TJP1: variants seen among roughly 807,000 people sequenced by gnomAD.
The protein encoded by TJP1 is tight junction protein 1, also known as tight junction protein ZO-1.
Under a neutral mutation model 194.2 loss-of-function variants are expected in TJP1, and 43 were observed. That is an observed-to-expected ratio of 0.22 (90% CI 0.17 to 0.29). TJP1 has a LOEUF of 0.29. Among genes scored for constraint, TJP1 ranks in the 10% least tolerant of loss-of-function variants. The probability of loss-of-function intolerance (pLI) is 1.00; values close to 1 mark genes in which losing one functional copy is unlikely to be tolerated. For missense variants in TJP1, 1,971 were observed against 2,185.7 expected (o/e 0.90, Z 1.96); for synonymous variants, 801 against 779.0 (o/e 1.03, Z -0.47).
chr15:29,826,424 C>A (rs184488879), upstream of TJP1, among the ~76,000 whole-genome samples: 4 of 138,744 alleles, frequency 2.9e-5, no homozygotes, highest in Admixed American at 7.2e-5. Context: ...CTTCTCCACT[C>A]TGATCTACAC....
At chr15:29,897,450 T>C (rs1314565281) in intron 2 of TJP1, among the ~76,000 whole-genome samples, 1 of 152,210 alleles carries the variant, frequency 6.6e-6, no homozygotes, top group East Asian at 1.9e-4. Flanking sequence ...GAACCTGTGC[T>C]AGGGCAGTGT....
At chr15:29,829,249 A>G (rs941715416) in intron 2 of TJP1, among the ~76,000 whole-genome samples, 1 of 152,238 alleles carries the variant, frequency 6.6e-6, no homozygotes, top group Non-Finnish European at 1.5e-5. Context: ...CAGTATAATT[A>G]AATTGCATCA....
intron 2 of TJP1, among the ~76,000 whole-genome samples, chr15:29,792,556 A>G (rs953766736): frequency 6.6e-6 from 1 of 152,126 alleles, no homozygotes; most frequent in Non-Finnish European, 1.5e-5. Flanking sequence ...TTTGCCCAGG[A>G]TTGCTTTGCC....
chr15:29,863,377 A>G (rs530887275), intron 2 of TJP1, among the ~76,000 whole-genome samples: 1 of 152,272 alleles, frequency 6.6e-6, no homozygotes, highest in South Asian at 2.1e-4. Flanking sequence ...GGAAGGGTTT[A>G]GGTGATTCTT....
At chr15:29,908,648 G>C (rs1159734815) in intron 2 of TJP1, among the ~76,000 whole-genome samples, 1 of 151,392 alleles carries the variant, frequency 6.6e-6, no homozygotes, top group Non-Finnish European at 1.5e-5. Context: ...GCCAGTTATG[G>C]CAATTCCAAT....
intron 2 of TJP1, among the ~76,000 whole-genome samples, chr15:29,908,511 T>A (rs1379683716): frequency 1.3e-5 from 2 of 152,218 alleles, no homozygotes; most frequent in Admixed American, 1.3e-4. Flanking sequence ...TAGCCACCAC[T>A]GATGTCCACC....
chr15:29,826,552 T>C (rs920936913), upstream of TJP1, among the ~76,000 whole-genome samples: 21 of 152,280 alleles, frequency 1.4e-4, no homozygotes, highest in African/African-American at 5.1e-4. Context: ...GCCAAAACAC[T>C]GACAAGTCTA....
Position 29,709,050 on chromosome 15 carries a change from G to T in TJP1, c.4373-14C>A. 3 of 1,593,464 alleles carry T rather than the reference G, an allele frequency of 1.9e-6. No homozygotes were observed. Among genetic ancestry groups the T allele is most frequent in the Non-Finnish European group, 2.6e-6 (3 of 1,168,386 alleles). On this transcript the variant is annotated splice_polypyrimidine_tract_variant and intron_variant, in intron 24 of 27. Coordinates refer to ENST00000614355, the MANE Select transcript of TJP1 (RefSeq NM_001330239.4). ...ACACTGAATTACCTGAAAAACAAAC[G>T]TAAGCATTTAAATAACTTTCTGAAA...
chr15:29,817,091 G>A (rs2049978194), intron 1 of TJP1, among the ~76,000 whole-genome samples: 1 of 152,130 alleles, frequency 6.6e-6, no homozygotes, highest in African/African-American at 2.4e-5. Flanking sequence ...GAATCCACAT[G>A]GAAGTGAAAC....
intron 2 of TJP1, among the ~76,000 whole-genome samples, chr15:29,893,650 C>T (rs1218314165): frequency 2.0e-5 from 3 of 152,270 alleles, no homozygotes; most frequent in Admixed American, 2.0e-4. Context: ...CAGATAATCA[C>T]TAGCATTTTT....
chr15:29,759,333 T>C (rs2045849033), intron 8 of TJP1: 1 of 152,230 alleles, frequency 6.6e-6, no homozygotes, highest in Admixed American at 6.5e-5. Flanking sequence ...ACTTTTTCTT[T>C]CCAGCTTTAC....
intron 1 of TJP1, among the ~76,000 whole-genome samples, chr15:29,962,463 AATCT>A (rs1336437422): frequency 6.6e-6 from 1 of 152,254 alleles, no homozygotes; most frequent in Non-Finnish European, 1.5e-5. Flanking sequence ...CACAAGGACA[AATCT>A]ATCAACAAAG....
intron 2 of TJP1, among the ~76,000 whole-genome samples, chr15:29,856,234 C>T (rs1283093595): frequency 6.6e-6 from 1 of 152,060 alleles, no homozygotes; most frequent in Non-Finnish European, 1.5e-5. Context: ...CATAGTGAGA[C>T]CCTGTCACTT....
intron 2 of TJP1, among the ~76,000 whole-genome samples, chr15:29,883,113 A>G (rs145400289): frequency 9.5e-4 from 145 of 152,352 alleles, no homozygotes; most frequent in Non-Finnish European, 1.6e-3. Context: ...TTCCCAGGCT[A>G]AACTGTGGAG....
chr15:29,819,866 A>G (rs759324590), intron 1 of TJP1, among the ~76,000 whole-genome samples: 4 of 152,228 alleles, frequency 2.6e-5, no homozygotes, highest in Non-Finnish European at 5.9e-5. Context: ...TTAGTAGTAT[A>G]TATCAGAATT....
intron 27 of TJP1, among the ~76,000 whole-genome samples, chr15:29,703,079 CACTGAAAAACCATGGCCAAGT>C (rs2041655984): frequency 6.6e-6 from 1 of 152,184 alleles, no homozygotes; most frequent in Non-Finnish European, 1.5e-5. Context: ...TAGAGTATTA[CACTGAAAAACCATGGCCAAGT>C]ATGATCACAA....
Position 29,741,363 on chromosome 15 carries a change from T to G in TJP1, c.1224A>C (p.Leu408=), listed in dbSNP as rs2044404361. Residue 408 remains leucine, a synonymous_variant, in exon 10 of 28, where the codon CTA becomes CTC. Transcript: ENST00000614355. Reference sequence around the variant, plus strand: ...TCCCATCTTCATGAGTTGAATTAGGTAGGACACCATCAGATGGACTGACAG... The same window carrying G: ...TCCCATCTTCATGAGTTGAATTAGGGAGGACACCATCAGATGGACTGACAG... ...DLPVSPSDGV[L]PNSTHEDGIL... 6.3e-7 allele frequency: 1 copy of G among 1,597,978 alleles called. No homozygotes were observed. Among genetic ancestry groups the G allele is most frequent in the South Asian group, 1.1e-5 (1 of 87,044 alleles).
At chr15:29,803,434 T>C (rs558296276) in intron 1 of TJP1, among the ~76,000 whole-genome samples, 3 of 152,278 alleles carry the variant, frequency 2.0e-5, no homozygotes, top group South Asian at 2.1e-4. Flanking sequence ...TATATACTAA[T>C]GTAAGTGTTC....
rs2046795276 is a variant in TJP1, at chr15:29,773,104, T to C, written c.209+129A>G. On this transcript the variant is annotated intron_variant, in intron 3 of 27. Transcript: ENST00000614355. ...TAATATATGTTAATTTAAGGAAAAA[T>C]ATATGAAGCATGGCACAGGTGGAGT... 2.7e-6 allele frequency: 3 copies of C among 1,122,698 alleles called. No individual in the cohort carries two copies. The Admixed American group carries it at 8.6e-5, about 32-fold the overall frequency. The allele number at this position is 1,122,698 out of a possible 1,614,324, so 69.5% of individuals were successfully genotyped here. A position where few individuals can be genotyped will look rare whatever the true frequency, so the allele number is the denominator to read the frequency against.
Sources: allele counts gnomAD v4.1 joint callset (sites outside exome capture counted in the v4.1 genomes callset), GRCh38; gene constraint gnomAD v4.1.1; transcripts MANE v1.5; gene names NCBI Gene and HGNC (gene_info 2026-07-23, HGNC 2026-07-21).